The following DPP10 variants were observed in gnomAD, a reference collection of about 807,000 sequenced individuals.
DPP10 encodes the protein inactive dipeptidyl peptidase 10.
In DPP10, 33 loss-of-function variants were observed where a neutral mutation model predicts 120.9. The observed-to-expected ratio is 0.27, with a 90% CI of 0.21 to 0.37. DPP10 has a LOEUF of 0.37. Ranked by LOEUF, DPP10 falls within the 10% of genes least tolerant of loss-of-function variation. The pLI is 1.00. For missense variants in DPP10, 816 were observed against 942.8 expected (o/e 0.87, Z 1.76); for synonymous variants, 337 against 326.1 (o/e 1.03, Z -0.36).
At chr2:115,266,660 G>A (rs1037775199) in intron 1 of DPP10, among the ~76,000 whole-genome samples, 9 of 152,172 alleles carry the variant, frequency 5.9e-5, no homozygotes, top group Non-Finnish European at 1.2e-4. Context: ...TGTCCACAGA[G>A]GTTTTATCTT....
chr2:114,698,253 T>C (rs912799680), intron 1 of DPP10, among the ~76,000 whole-genome samples: 2 of 152,006 alleles, frequency 1.3e-5, no homozygotes, highest in Admixed American at 6.6e-5. Context: ...CCAGCTTCCA[T>C]ATCATAAAAA....
intron 1 of DPP10, among the ~76,000 whole-genome samples, chr2:114,484,284 G>C (rs544457676): frequency 6.6e-6 from 1 of 152,218 alleles, no homozygotes; most frequent in African/African-American, 2.4e-5. Flanking sequence ...GTTGCCTTTA[G>C]AATCATGGAG....
chr2:115,599,230 G>T (rs1433099627), intron 5 of DPP10, among the ~76,000 whole-genome samples: 1 of 152,042 alleles, frequency 6.6e-6, no homozygotes, highest in Non-Finnish European at 1.5e-5. Context: ...AAAAATGGTA[G>T]TTATAGTCAT....
intron 1 of DPP10, among the ~76,000 whole-genome samples, chr2:114,456,903 G>T (rs1333224032): frequency 6.6e-6 from 1 of 152,004 alleles, no homozygotes; most frequent in Non-Finnish European, 1.5e-5. Flanking sequence ...TCTATTCCTG[G>T]ACACTGTGGT....
At chr2:115,541,060 G>A (rs1239535506) in intron 5 of DPP10, among the ~76,000 whole-genome samples, 1 of 151,694 alleles carries the variant, frequency 6.6e-6, no homozygotes, top group Non-Finnish European at 1.5e-5. Flanking sequence ...CTGTGAAAGG[G>A]GAAATTTTCT....
intron 1 of DPP10, among the ~76,000 whole-genome samples, chr2:114,792,173 A>G (rs1204882512): frequency 6.6e-6 from 1 of 152,188 alleles, no homozygotes; most frequent in Non-Finnish European, 1.5e-5. Flanking sequence ...AATATTATGA[A>G]TAAATAAACA....
chr2:115,082,015 T>C (rs1708312146), intron 1 of DPP10, among the ~76,000 whole-genome samples: 1 of 152,220 alleles, frequency 6.6e-6, no homozygotes, highest in African/African-American at 2.4e-5. Flanking sequence ...CATTATTCCT[T>C]CTTTTCAGGC....
intron 1 of DPP10, among the ~76,000 whole-genome samples, chr2:115,196,930 G>A (rs983623283): frequency 1.3e-4 from 20 of 152,196 alleles, no homozygotes; most frequent in African/African-American, 4.3e-4. Context: ...TCAGGAAAGA[G>A]CTTCCTATCA....
rs1367703493 is a variant in DPP10, at chr2:115,343,827, A to G, written c.186A>G (p.Thr62=). The change falls in exon 3 of 26, where the codon ACA becomes ACG. Residue 62 remains threonine (T), a synonymous_variant. Coordinates refer to ENST00000410059, the MANE Select transcript of DPP10 (RefSeq NM_020868.6). ...SVILLTPDEL[T]NSSETRLSLE... ...TTTCCTTTATTTTAGATGAACTCAC[A>G]AATTCGTCAGAAACCAGATTGTCTT... 34 of 1,610,762 alleles carry G rather than the reference A, an allele frequency of 2.1e-5. No homozygotes were observed. Among genetic ancestry groups the G allele is most frequent in the Non-Finnish European group, 2.8e-5 (33 of 1,178,752 alleles).
intron 5 of DPP10, among the ~76,000 whole-genome samples, chr2:115,587,216 G>A (rs2082349953): frequency 6.7e-6 from 1 of 149,186 alleles, no homozygotes; most frequent in Non-Finnish European, 1.5e-5. Flanking sequence ...TCCTGCCTCA[G>A]CTTCCCGAGT....
chr2:115,685,128 A>C (rs2090913243), intron 5 of DPP10, among the ~76,000 whole-genome samples: 1 of 151,952 alleles, frequency 6.6e-6, no homozygotes, highest in African/African-American at 2.4e-5. Context: ...TATGAATAAT[A>C]TTTACTTCTT....
chr2:115,374,794 G>C (rs1326188312), intron 3 of DPP10, among the ~76,000 whole-genome samples: 1 of 152,208 alleles, frequency 6.6e-6, no homozygotes, highest in Non-Finnish European at 1.5e-5. Flanking sequence ...GATCTGAGCT[G>C]TACATTGGTT....
intron 1 of DPP10, among the ~76,000 whole-genome samples, chr2:114,486,951 A>G (rs1267103806): frequency 2.0e-5 from 3 of 152,216 alleles, no homozygotes; most frequent in Non-Finnish European, 2.9e-5. Context: ...AAATATTAAC[A>G]TAATTTTACA....
At chr2:115,452,020 G>A (rs708654) in intron 3 of DPP10, among the ~76,000 whole-genome samples, 125,591 of 151,768 alleles carry the variant, frequency 0.83, 55,007 homozygotes, top group Non-Finnish European at 0.97. Flanking sequence ...CTTGTCAACA[G>A]ATGGGAGCCA....
intron 5 of DPP10, among the ~76,000 whole-genome samples, chr2:115,629,171 T>A (rs2085625372): frequency 6.6e-6 from 1 of 152,220 alleles, no homozygotes; most frequent in South Asian, 2.1e-4. Flanking sequence ...CTGCATAGTA[T>A]TCCATGGTGT....
intron 1 of DPP10, among the ~76,000 whole-genome samples, chr2:115,130,372 T>G (rs2050279700): frequency 6.6e-6 from 1 of 152,180 alleles, no homozygotes; most frequent in Non-Finnish European, 1.5e-5. Flanking sequence ...CCTCAGCTTC[T>G]GAGAAATAAT....
chr2:114,868,864 G>T (rs1690450203), intron 1 of DPP10, among the ~76,000 whole-genome samples: 1 of 152,094 alleles, frequency 6.6e-6, no homozygotes, highest in African/African-American at 2.4e-5. Flanking sequence ...ACCAGAGCTG[G>T]CTCTGCCACG....
intron 1 of DPP10, among the ~76,000 whole-genome samples, chr2:115,165,066 A>G (rs2052730676): frequency 6.6e-6 from 1 of 152,232 alleles, no homozygotes; most frequent in Non-Finnish European, 1.5e-5. Flanking sequence ...TCTTAACATG[A>G]TCAATATCTC....
At chr2:114,522,273 C>T (rs193137851) in intron 1 of DPP10, among the ~76,000 whole-genome samples, 156 of 152,198 alleles carry the variant, frequency 1.0e-3, no homozygotes, top group African/African-American at 2.6e-3. Context: ...CGTGAGCCAC[C>T]GCGCCCGGCC....
Sources: gnomAD v4.1 joint callset for allele counts (sites outside exome capture counted in the v4.1 genomes callset) on GRCh38, gnomAD v4.1.1 for gene constraint, MANE v1.5 for transcripts, NCBI Gene and HGNC (gene_info 2026-07-23, HGNC 2026-07-21) for gene names.